Variants in IFT140 observed in about 807,000 individuals in gnomAD.
IFT140 encodes the protein intraflagellar transport protein 140 homolog.
Under a neutral mutation model 164.6 loss-of-function variants are expected in IFT140, and 133 were observed. The ratio of observed to expected loss-of-function variants is 0.81; its 90% CI spans 0.70 to 0.93. The LOEUF (loss-of-function observed/expected upper bound fraction) is 0.93, where lower values mean the gene tolerates loss of function less well. Among genes scored for constraint, IFT140 ranks in the 40% least tolerant of loss-of-function variants. The pLI is 0.00. For missense variants in IFT140, 2,045 were observed against 1,972.3 expected (o/e 1.04, Z -0.70); for synonymous variants, 860 against 817.3 (o/e 1.05, Z -0.89).
intron 2 of IFT140, among the ~76,000 whole-genome samples, chr16:1,607,599 C>T (rs1157407482): frequency 6.6e-6 from 1 of 152,362 alleles, no homozygotes; most frequent in African/African-American, 2.4e-5. Flanking sequence ...ACGCAATCCT[C>T]AGTAACTTTC....
chr16:1,520,836 C>A, intron 26 of IFT140, 28 bp from the exon 27 acceptor site: 1 of 1,587,736 alleles, frequency 6.3e-7, no homozygotes, highest in Non-Finnish European at 8.5e-7. Context: ...TGGGACGGGG[C>A]TGCCGAGGGG....
At chr16:1,568,457 G>C (rs1028202429) in intron 14 of IFT140, 123 bp from the exon 15 acceptor site, 1 of 758,818 alleles carries the variant, frequency 1.3e-6, no homozygotes, top group Non-Finnish European at 2.2e-6. Flanking sequence ...CTCACCCTGG[G>C]TGGCGCGTGT....
rs910636195 is a variant in IFT140 at position 1,511,138 on chromosome 16, G to A, written c.4195C>T (p.Leu1399=). 3.7e-6 allele frequency: 6 copies of A among 1,606,634 alleles called. No homozygotes were observed. Among genetic ancestry groups the A allele is most frequent in the Non-Finnish European group, 5.1e-6 (6 of 1,177,502 alleles). ...GGAAGCCGCCGCCGCATCTCCTCCA[G>A]GAATCTGTAGGCCTGGGGCAGAGGA... ...KEEYQTAYRF[L]EEMRRRLPLA... The change falls in exon 31 of 31, where the codon CTG becomes TTG. Residue 1399 remains leucine (L), a synonymous_variant. Coordinates refer to ENST00000426508, the MANE Select transcript of IFT140 (RefSeq NM_014714.4).
At chr16:1,537,942 T>C (rs2031238757) in intron 19 of IFT140, among the ~76,000 whole-genome samples, 1 of 152,134 alleles carries the variant, frequency 6.6e-6, no homozygotes, top group Non-Finnish European at 1.5e-5. Context: ...GCTCCCGGGC[T>C]TCACCCCCTG....
chr16:1,512,774 A>C (rs1019313030), intron 30 of IFT140, among the ~76,000 whole-genome samples: 1 of 152,220 alleles, frequency 6.6e-6, no homozygotes, highest in East Asian at 1.9e-4. Context: ...TGGGCGACAG[A>C]GCAAGACCTC....
chr16:1,606,887 GATGCACACACACACCCAT>G (rs906273541), intron 3 of IFT140, among the ~76,000 whole-genome samples: 2 of 150,184 alleles, frequency 1.3e-5, no homozygotes, highest in African/African-American at 2.5e-5. Context: ...CAAGCATACA[GATGCACACACACACCCAT>G]ATGCACACAC....
At chr16:1,513,849 AT>A (rs1228966603) in intron 30 of IFT140, among the ~76,000 whole-genome samples, 1 of 144,930 alleles carries the variant, frequency 6.9e-6, no homozygotes, top group Admixed American at 6.7e-5. Flanking sequence ...AATTTTTTGT[AT>A]TTTTAGTAGA....
chr16:1,523,738 C>T (rs201153237), intron 25 of IFT140, 38 bp from the exon 26 acceptor site: 3 of 1,606,822 alleles, frequency 1.9e-6, no homozygotes, highest in East Asian at 4.5e-5. Flanking sequence ...TGCCCGAGGC[C>T]TGGGGGCCCG....
In IFT140 at chr16:1,524,332, A is replaced by G; in HGVS notation, c.3141+220T>C. The G allele has an allele frequency of 6.0e-6, 4 of 664,184 alleles. No homozygotes were observed. The East Asian group carries it at 1.1e-4, about 19-fold the overall frequency. 41.1% of individuals were successfully genotyped at this position (664,184 alleles called of 1,614,324 possible). On this transcript the variant is annotated intron_variant, in intron 24 of 30. Transcript: ENST00000426508. ...ACTCAGGAGCCCTGGAGCCTGGGAA[A>G]CATCTGGGGACAATTCAGTGCTTTG...
intron 11 of IFT140, 120 bp from the exon 12 acceptor site, chr16:1,583,506 C>T: frequency 1.4e-6 from 1 of 734,136 alleles, no homozygotes; most frequent in South Asian, 1.8e-5. Flanking sequence ...CTCCATCATC[C>T]TACGACTATG....
chr16:1,521,071 T>G (rs2040513267), intron 26 of IFT140, among the ~76,000 whole-genome samples: 1 of 152,226 alleles, frequency 6.6e-6, no homozygotes, highest in Non-Finnish European at 1.5e-5. Flanking sequence ...AAGAGAATAT[T>G]ACGTTTGGGA....
chr16:1,603,553 G>A (rs1339159874), intron 3 of IFT140, among the ~76,000 whole-genome samples: 1 of 151,642 alleles, frequency 6.6e-6, no homozygotes, highest in Admixed American at 6.6e-5. Context: ...GGCATGATCT[G>A]AGCTCACCGC....
At position 1,558,070 on chromosome 16, in the gene IFT140, G is replaced by C; in HGVS notation, c.2264C>G (p.Ser755Cys). The C allele has an allele frequency of 6.2e-7, 1 of 1,614,104 alleles. No individual in the cohort carries two copies. Among genetic ancestry groups the C allele is most frequent in the Non-Finnish European group, 8.5e-7 (1 of 1,180,022 alleles). ...CACAAAGTCTCGCAGGGGTCTCCTG[G>C]ACACCATCTGAGGGATGTGGTGGCA... ...PGCHHIPQMVSRRPLRDFVGL... is the reference protein window; with the variant it reads ...PGCHHIPQMVCRRPLRDFVGL... Residue 755 changes from serine (S) to cysteine (C), a missense_variant, in exon 19 of 31, where the codon TCC becomes TGC. Coordinates refer to ENST00000426508, the MANE Select transcript of IFT140 (RefSeq NM_014714.4).
At chr16:1,534,656 C>T in intron 19 of IFT140, 1 of 1,531,180 alleles carries the variant, frequency 6.5e-7, no homozygotes, top group Non-Finnish European at 8.9e-7. Context: ...GGAGGCCTGG[C>T]CCCTGCTCTG....
In IFT140 at chr16:1,557,996, T is replaced by C. The variant is rs1409866847; in HGVS notation, c.2338A>G (p.Ser780Gly). Residue 780 changes from serine to glycine, a missense_variant, in exon 19 of 31, where the codon AGC becomes GGC. Coordinates refer to ENST00000426508, the MANE Select transcript of IFT140 (RefSeq NM_014714.4). ...ATGTCTCCTATGGTGACAAAGAAGC[T>C]GAAGTGGAGCATGGCGTCCCGGGTG... is the stretch of plus-strand genomic sequence containing the variant. ...KATRDAMLHF[S>G]FFVTIGDMDE... The C allele has an allele frequency of 3.7e-6, 6 of 1,613,862 alleles. No individual in the cohort carries two copies. The highest frequency in any genetic ancestry group is 5.1e-6 in the Non-Finnish European group (6 of 1,180,046).
intron 19 of IFT140, chr16:1,555,670 A>G (rs1445331056): frequency 1.3e-5 from 2 of 152,420 alleles, no homozygotes; most frequent in Non-Finnish European, 2.9e-5. Flanking sequence ...CTAAGGGTCA[A>G]AAAGACCTTT....
chr16:1,584,275 G>A lies in IFT140; in HGVS notation c.1301C>T (p.Thr434Met), dbSNP rs762293142. 3 of 1,613,868 alleles carry A rather than the reference G, an allele frequency of 1.9e-6. No homozygotes were observed. The highest frequency in any genetic ancestry group is 2.2e-5 in the East Asian group (1 of 44,878). ...GGTGCGCAGGCTGTGTGCGACCCCC[G>A]TGGACAGGAAGCACACATTCAGCAG... ...PSLLNVCFLS[T>M]GVAHSLRTDM... Residue 434 changes from threonine to methionine, a missense_variant, in exon 11 of 31, where the codon ACG (threonine) becomes ATG (methionine). Physicochemically the swap from Thr to Met is moderately conservative, Grantham distance 81. Coordinates refer to ENST00000426508, the MANE Select transcript of IFT140 (RefSeq NM_014714.4).
At chr16:1,585,453 T>C (rs1362265429) in intron 10 of IFT140, among the ~76,000 whole-genome samples, 1 of 152,220 alleles carries the variant, frequency 6.6e-6, no homozygotes, top group Admixed American at 6.5e-5. Flanking sequence ...TACAGATTTT[T>C]TGTGGCGCTG....
chr16:1,553,597 C>G lies in IFT140; in HGVS notation c.2399+4338G>C. 9.7e-7 allele frequency: 1 copy of G among 1,025,706 alleles called. No homozygotes were observed. Among genetic ancestry groups the G allele is most frequent in the Non-Finnish European group, 1.2e-6 (1 of 852,658 alleles). 63.5% of individuals were successfully genotyped at this position (1,025,706 alleles called of 1,614,324 possible). A position where few individuals can be genotyped will look rare whatever the true frequency, so the allele number is the denominator to read the frequency against. On this transcript the variant is annotated intron_variant, in intron 19 of 30. Transcript: ENST00000426508. This position sits in a 1 kb window ranked among gnomAD's most constrained non-coding sequence, Gnocchi z 4.4. ...AGTGTAAGTTACAGAGAGTCTCTGG[C>G]ACTTTGGGTACAAGAAACAGACTCA...
Sources: allele counts gnomAD v4.1 joint callset (sites outside exome capture counted in the v4.1 genomes callset), GRCh38; gene constraint gnomAD v4.1.1; non-coding constraint Gnocchi (gnomAD v3.1); transcripts MANE v1.5; gene names NCBI Gene and HGNC (gene_info 2026-07-23, HGNC 2026-07-21).